FSTL5: variants seen among roughly 807,000 people sequenced by gnomAD.
FSTL5 encodes follistatin-related protein 5.
Under a neutral mutation model 89.1 loss-of-function variants are expected in FSTL5, and 62 were observed. The ratio of observed to expected loss-of-function variants is 0.70; its 90% confidence interval spans 0.57 to 0.86. The LOEUF (loss-of-function observed/expected upper bound fraction) is 0.86, where lower values mean the gene tolerates loss of function less well. Among genes scored for constraint, FSTL5 ranks in the 40% least tolerant of loss-of-function variants. FSTL5 has a pLI of 0.00. For synonymous variants in FSTL5, 383 were observed against 346.2 expected (o/e 1.11, Z -1.18); for missense variants, 1,057 against 1,001.6 (o/e 1.06, Z -0.75).
At chr4:161,416,082 A>AC (rs1731770800) in intron 15 of FSTL5, among the ~76,000 whole-genome samples, 2 of 152,152 alleles carry the variant, frequency 1.3e-5, no homozygotes, top group African/African-American at 4.8e-5. Flanking sequence ...ACCTATATAG[A>AC]TGGAATGGCA....
chr4:161,996,648 C>T (rs1480036476), intron 3 of FSTL5, among the ~76,000 whole-genome samples: 1 of 152,172 alleles, frequency 6.6e-6, no homozygotes, highest in Admixed American at 6.5e-5. Flanking sequence ...ACTTTTCCTG[C>T]CTTCAGTTGT....
intron 7 of FSTL5, among the ~76,000 whole-genome samples, chr4:161,605,643 C>A (rs1333855982): frequency 1.3e-5 from 2 of 152,316 alleles, no homozygotes; most frequent in Non-Finnish European, 2.9e-5. Flanking sequence ...CTTGTCCTTG[C>A]ATGAAAGTTA....
At chr4:162,005,510 A>G (rs1736590429) in intron 3 of FSTL5, among the ~76,000 whole-genome samples, 1 of 152,134 alleles carries the variant, frequency 6.6e-6, no homozygotes, top group Non-Finnish European at 1.5e-5. Flanking sequence ...TGTGAGTCAA[A>G]TGGGAAAACC....
intron 4 of FSTL5, among the ~76,000 whole-genome samples, chr4:161,829,662 G>A (rs1730782372): frequency 6.6e-6 from 1 of 151,962 alleles, no homozygotes; most frequent in Admixed American, 6.6e-5. Context: ...ATGCCAAGAG[G>A]GACCCTAACA....
At chr4:162,037,614 C>G (rs186339881) in intron 2 of FSTL5, among the ~76,000 whole-genome samples, 2 of 151,808 alleles carry the variant, frequency 1.3e-5, no homozygotes, top group African/African-American at 4.8e-5. Context: ...CTCTCCCATA[C>G]AGTTTTATAT....
At chr4:161,458,711 A>T (rs574599047) in intron 14 of FSTL5, among the ~76,000 whole-genome samples, 26 of 152,318 alleles carry the variant, frequency 1.7e-4, no homozygotes, top group African/African-American at 6.0e-4. Context: ...ACCAAAATGC[A>T]GATTTTCTTT....
intron 7 of FSTL5, among the ~76,000 whole-genome samples, chr4:161,619,163 T>C (rs1735010751): frequency 6.6e-6 from 1 of 152,128 alleles, no homozygotes; most frequent in Non-Finnish European, 1.5e-5. Flanking sequence ...CTGGATCCCA[T>C]CCTTACACCT....
intron 7 of FSTL5, among the ~76,000 whole-genome samples, chr4:161,621,272 AC>A (rs1735111579): frequency 8.0e-5 from 2 of 25,132 alleles, no homozygotes; most frequent in Non-Finnish European, 1.8e-4. Flanking sequence ...AAGACTACAC[AC>A]ACACACACAC....
intron 4 of FSTL5, among the ~76,000 whole-genome samples, chr4:161,805,728 T>C (rs1729944288): frequency 6.6e-6 from 1 of 152,114 alleles, no homozygotes; most frequent in African/African-American, 2.4e-5. Context: ...CCATAAAATA[T>C]GGAACCTTTA....
intron 2 of FSTL5, among the ~76,000 whole-genome samples, chr4:162,072,900 G>A (rs1339927361): frequency 6.6e-5 from 10 of 151,728 alleles, no homozygotes; most frequent in African/African-American, 2.4e-4. Flanking sequence ...AAAAAAGGCT[G>A]ATCTTCCCCT....
intron 6 of FSTL5, among the ~76,000 whole-genome samples, chr4:161,722,964 A>T (rs769253166): frequency 1.2e-4 from 19 of 152,172 alleles, no homozygotes; most frequent in Non-Finnish European, 2.1e-4. Context: ...CCTTACATTT[A>T]TAGGGGACCA....
chr4:161,743,995 G>C (rs1740108185), intron 6 of FSTL5, among the ~76,000 whole-genome samples: 1 of 152,130 alleles, frequency 6.6e-6, no homozygotes, highest in Non-Finnish European at 1.5e-5. Flanking sequence ...TTACTTGCTA[G>C]ATTGCTGACA....
At chr4:161,784,901 C>CAAAAAAAAAAAAAAAAA (rs1402887255) in intron 4 of FSTL5, among the ~76,000 whole-genome samples, 1 of 122,450 alleles carries the variant, frequency 8.2e-6, no homozygotes, top group African/African-American at 3.1e-5. Flanking sequence ...TCAAAAAAAA[C>CAAAAAAAAAAAAAAAAA]AAAAACAAAC....
At chr4:161,424,881 C>G (rs749145912) in intron 15 of FSTL5, among the ~76,000 whole-genome samples, 2 of 152,194 alleles carry the variant, frequency 1.3e-5, no homozygotes, top group African/African-American at 4.8e-5. Flanking sequence ...TAGGAGAGTC[C>G]TCTCTGCTTT....
chr4:161,833,369 T>G (rs1260245576), intron 4 of FSTL5, among the ~76,000 whole-genome samples: 1 of 150,580 alleles, frequency 6.6e-6, no homozygotes, highest in African/African-American at 2.4e-5. Flanking sequence ...TGATTTGGGG[T>G]GGAGAGTTCT....
rs1731686149 is a variant in FSTL5 at position 161,855,219 on chromosome 4, C to T, written c.409+65185G>A. On this transcript the variant is annotated intron_variant, in intron 4 of 15. Transcript: ENST00000306100. ...AAATTAAGATTAGCAAAGTTTTATG[C>T]TCTGGGCTGTGTAAACATAGGGCAA... Among the ~76,000 whole-genome samples, 4 of 152,018 alleles carry T rather than the reference C, an allele frequency of 2.6e-5. No individual in the cohort carries two copies. In the South Asian group the frequency reaches 8.3e-4, roughly 32 times the overall value.
rs375636514 is a variant in FSTL5, at chr4:161,542,495, T to C, written c.1177+37A>G. ...TAAATTTTAGTATAAATTTTCAACA[T>C]GGTCATTTAAGAGAAAAAAAAGCAA... On this transcript the variant is annotated intron_variant, in intron 9 of 15. Coordinates refer to ENST00000306100, the MANE Select transcript of FSTL5 (RefSeq NM_020116.5). 4.3e-5 allele frequency: 56 copies of C among 1,308,726 alleles called. 1 individual carries two copies. The African/African-American group carries it at 7.8e-4, about 18-fold the overall frequency. 81.1% of individuals were successfully genotyped at this position (1,308,726 alleles called of 1,614,324 possible). A position where few individuals can be genotyped will look rare whatever the true frequency, so the allele number is the denominator to read the frequency against.
intron 13 of FSTL5, among the ~76,000 whole-genome samples, chr4:161,461,361 C>T (rs1319746545): frequency 1.5e-5 from 2 of 136,976 alleles, no homozygotes; most frequent in African/African-American, 5.4e-5. Context: ...GCTCGGGAGG[C>T]TGAGGCAGGA....
chr4:162,038,588 C>A (rs1363289023), intron 2 of FSTL5, among the ~76,000 whole-genome samples: 1 of 151,780 alleles, frequency 6.6e-6, no homozygotes, highest in South Asian at 2.1e-4. Flanking sequence ...ACCAAAGTAC[C>A]ATGTTGCTAG....
Sources: gnomAD v4.1 joint callset for allele counts (sites outside exome capture counted in the v4.1 genomes callset) on GRCh38, gnomAD v4.1.1 for gene constraint, MANE v1.5 for transcripts, NCBI Gene and HGNC (gene_info 2026-07-23, HGNC 2026-07-21) for gene names.